Variants in PSMB2 observed in about 807,000 individuals in gnomAD.
The protein encoded by PSMB2 is proteasome subunit beta type-2.
Under a neutral mutation model 25.7 loss-of-function variants are expected in PSMB2, and 13 were observed. The ratio of observed to expected loss-of-function variants is 0.51; its 90% confidence interval spans 0.33 to 0.80. PSMB2 has a LOEUF of 0.80. Ranked by LOEUF, PSMB2 falls within the 30% of genes least tolerant of loss-of-function variation. The pLI, the probability that PSMB2 is intolerant of heterozygous loss-of-function variation, is 0.02. For missense variants in PSMB2, 202 were observed against 259.0 expected, an observed-to-expected ratio of 0.78 and a Z score of 1.51; for synonymous variants, 87 against 96.2, an observed-to-expected ratio of 0.90 and a Z score of 0.56.
At chr1:35,627,507 C>T (rs1263844740) in intron 3 of PSMB2, among the ~76,000 whole-genome samples, 2 of 151,798 alleles carry the variant, frequency 1.3e-5, no homozygotes, top group East Asian at 1.9e-4. Context: ...ATTAGCCAGG[C>T]ATAGTGGTAT....
intron 2 of PSMB2, among the ~76,000 whole-genome samples, chr1:35,634,872 C>T (rs1489638296): frequency 6.6e-6 from 1 of 150,758 alleles, no homozygotes; most frequent in Non-Finnish European, 1.5e-5. Flanking sequence ...ACTGCAGCCT[C>T]GACCTCCTGG....
chr1:35,602,963 TAGTTGGAAAGGA>T lies in PSMB2; in HGVS notation c.*292_*303del. On this transcript the variant is annotated 3_prime_UTR_variant, in exon 6 of 6. Coordinates refer to ENST00000373237, the MANE Select transcript of PSMB2 (RefSeq NM_002794.5). ...TAGCAAGTAAAATATATGAAAGAGC[TAGTTGGAAAGGA>T]AGCCAAGCATGGAGTAGAACGTGGG... 1 of 1,070,450 alleles carries T rather than the reference TAGTTGGAAAGGA, an allele frequency of 9.3e-7. No individual in the cohort carries two copies. Among genetic ancestry groups the T allele is most frequent in the Non-Finnish European group, 1.1e-6 (1 of 883,290 alleles). The allele number at this position is 1,070,450 out of a possible 1,614,324, so 66.3% of individuals were successfully genotyped here.
rs888889801 is a variant in PSMB2, at chr1:35,601,945, T to C, written c.*1322A>G. ...GATACATCAATTTAATGGAAAATTA[T>C]GCAACTGTCAACAAGAATAAGCATA... On this transcript the variant is annotated 3_prime_UTR_variant, in exon 6 of 6. Coordinates refer to ENST00000373237, the MANE Select transcript of PSMB2 (RefSeq NM_002794.5). 3 of 971,216 alleles carry C rather than the reference T, an allele frequency of 3.1e-6. No homozygotes were observed. Among genetic ancestry groups the C allele is most frequent in the African/African-American group, 3.5e-5 (2 of 56,884 alleles). The allele number at this position is 971,216 out of a possible 1,614,324, so 60.2% of individuals were successfully genotyped here.
At chr1:35,607,851 A>G (rs1259560809) in intron 4 of PSMB2, among the ~76,000 whole-genome samples, 1 of 152,218 alleles carries the variant, frequency 6.6e-6, no homozygotes, top group Admixed American at 6.5e-5. Context: ...ATACACCATG[A>G]AATACTATTC....
chr1:35,634,817 C>G (rs1651200895), intron 2 of PSMB2, among the ~76,000 whole-genome samples: 1 of 149,562 alleles, frequency 6.7e-6, no homozygotes, highest in Non-Finnish European at 1.5e-5. Context: ...TTTTTAGAGA[C>G]AGAGTCTTGC....
chr1:35,640,052 G>GTATTA (rs1553126250), intron 1 of PSMB2, among the ~76,000 whole-genome samples: 7 of 9,412 alleles, frequency 7.4e-4, no homozygotes, highest in South Asian at 6.7e-3. Context: ...TTGCCCCTAA[G>GTATTA]TACTATAATA....
chr1:35,627,836 C>T (rs1650911308), intron 3 of PSMB2, among the ~76,000 whole-genome samples: 1 of 152,134 alleles, frequency 6.6e-6, no homozygotes, highest in Admixed American at 6.5e-5. Flanking sequence ...TGCTAAATTG[C>T]CTACATTTTA....
intron 5 of PSMB2, 35 bp downstream of exon 5, chr1:35,605,198 A>C (rs1248899669): frequency 1.3e-6 from 2 of 1,579,110 alleles, no homozygotes; most frequent in Non-Finnish European, 1.7e-6. Flanking sequence ...CAGAGAGACA[A>C]ACATTCCTTT....
In PSMB2 at chr1:35,601,369, C is replaced by T. The variant is rs926670295; in HGVS notation, c.*1898G>A. The T allele has an allele frequency of 2.6e-5, 26 of 985,186 alleles. No homozygotes were observed. The highest frequency in any genetic ancestry group is 1.1e-4 in the East Asian group (1 of 8,776). The allele number at this position is 985,186 out of a possible 1,614,324, so 61.0% of individuals were successfully genotyped here. A position where few individuals can be genotyped will look rare whatever the true frequency, so the allele number is the denominator to read the frequency against. On this transcript the variant is annotated 3_prime_UTR_variant, in exon 6 of 6. Coordinates refer to ENST00000373237, the MANE Select transcript of PSMB2 (RefSeq NM_002794.5). ...GATTACAGGCATGAGCCACCGCACC[C>T]GGCCAACCTGTGGCACTTTTAAAAT... is the stretch of plus-strand genomic sequence containing the variant.
chr1:35,637,226 A>G (rs1397777204), intron 1 of PSMB2, among the ~76,000 whole-genome samples: 2 of 152,360 alleles, frequency 1.3e-5, no homozygotes, highest in Middle Eastern at 6.8e-3. Context: ...AAAATTAAGG[A>G]ACCATTTCAA....
In PSMB2 at chr1:35,630,190, A is replaced by T. The variant is rs374075363; in HGVS notation, c.285+1084T>A. On this transcript the variant is annotated intron_variant, in intron 3 of 5. Coordinates refer to ENST00000373237, the MANE Select transcript of PSMB2 (RefSeq NM_002794.5). ...AACTCCATCTCAAAAAAATAAAAAT[A>T]AAAATAATCTGAATTATTATTTTCA... 3.4e-3 allele frequency among the ~76,000 whole-genome samples: 515 copies of T among 152,348 alleles called. 3 individuals carry two copies. Among genetic ancestry groups the T allele is most frequent in the African/African-American group, 0.012 (497 of 41,578 alleles).
Position 35,600,060 on chromosome 1 carries a change from C to A in PSMB2, c.*3207G>T. 1.4e-6 allele frequency: 1 copy of A among 703,774 alleles called. No individual in the cohort carries two copies. Among genetic ancestry groups the A allele is most frequent in the Non-Finnish European group, 1.7e-6 (1 of 573,188 alleles). 43.6% of individuals were successfully genotyped at this position (703,774 alleles called of 1,614,324 possible). A position where few individuals can be genotyped will look rare whatever the true frequency, so the allele number is the denominator to read the frequency against. On this transcript the variant is annotated 3_prime_UTR_variant, in exon 6 of 6. Transcript: ENST00000373237. ...CTGGGGTAAGAGGTTCACTTGAGCC[C>A]AGGAGTTCAAGTGAACTTACTGCAG...
At chr1:35,608,131 A>T (rs1398249667) in intron 4 of PSMB2, among the ~76,000 whole-genome samples, 1 of 152,128 alleles carries the variant, frequency 6.6e-6, no homozygotes, top group Non-Finnish European at 1.5e-5. Context: ...TTGGGAGGGC[A>T]AGGCGGGTGG....
In PSMB2 at chr1:35,601,157, C is replaced by T. The variant is rs150743306; in HGVS notation, c.*2110G>A. 9.3e-4 allele frequency: 716 copies of T among 766,558 alleles called. 3 individuals carry two copies. In the African/African-American group the frequency reaches 0.013, roughly 14 times the overall value. 47.5% of individuals were successfully genotyped at this position (766,558 alleles called of 1,614,324 possible). A position where few individuals can be genotyped will look rare whatever the true frequency, so the allele number is the denominator to read the frequency against. On this transcript the variant is annotated 3_prime_UTR_variant, in exon 6 of 6. Coordinates refer to ENST00000373237, the MANE Select transcript of PSMB2 (RefSeq NM_002794.5). ...TCTCGGCTCACTGCAACCTCCCTCT[C>T]CCGGGCTCAAGCAATTCTCCTGCCT...
intron 3 of PSMB2, among the ~76,000 whole-genome samples, chr1:35,625,209 T>C (rs535839863): frequency 6.6e-6 from 1 of 152,308 alleles, no homozygotes; most frequent in African/African-American, 2.4e-5. Flanking sequence ...TACAAATAAA[T>C]AGGTAAAAAG....
chr1:35,605,265 C>A lies in PSMB2; in HGVS notation c.466G>T (p.Ala156Ser). 1 of 1,613,144 alleles carries A rather than the reference C, an allele frequency of 6.2e-7. No individual in the cohort carries two copies. Among genetic ancestry groups the A allele is most frequent in the Non-Finnish European group, 8.5e-7 (1 of 1,179,582 alleles). ...YYTPTISRER[A>S]VELLRKCLEE... The stretch of plus-strand genomic sequence containing the variant: ...AGACATTTCCTAAGGAGTTCCACTG[C>A]CCTCTCACGTGAGATAGCTGAAAGA... Residue 156 changes from alanine to serine, a missense_variant, in exon 5 of 6, where the codon GCA becomes TCA. Coordinates refer to ENST00000373237, the MANE Select transcript of PSMB2 (RefSeq NM_002794.5).
intron 3 of PSMB2, among the ~76,000 whole-genome samples, chr1:35,610,127 T>G (rs1650287003): frequency 6.6e-6 from 1 of 152,106 alleles, no homozygotes; most frequent in Non-Finnish European, 1.5e-5. Flanking sequence ...AATGGTAAAC[T>G]GCATGCCCAC....
chr1:35,605,400 A>G (rs1013102544), intron 4 of PSMB2, 118 bp from the exon 5 acceptor site: 4 of 1,017,556 alleles, frequency 3.9e-6, no homozygotes, highest in Admixed American at 2.1e-5. Context: ...ACAAACGTAA[A>G]AGGCAAAAAA....
At chr1:35,625,298 G>A (rs1266216791) in intron 3 of PSMB2, among the ~76,000 whole-genome samples, 1 of 152,134 alleles carries the variant, frequency 6.6e-6, no homozygotes, top group Non-Finnish European at 1.5e-5. Context: ...AGTGAAACCC[G>A]ACGATTACAC....
Sources: gnomAD v4.1 joint callset for allele counts (sites outside exome capture counted in the v4.1 genomes callset) on GRCh38, gnomAD v4.1.1 for gene constraint, MANE v1.5 for transcripts, NCBI Gene and HGNC (gene_info 2026-07-23, HGNC 2026-07-21) for gene names.